SLC35F3: variants seen among roughly 807,000 people sequenced by gnomAD.
SLC35F3 encodes the protein solute carrier family 35 member F3.
Under a neutral mutation model 49.9 loss-of-function variants are expected in SLC35F3, and 25 were observed. That is an observed-to-expected ratio of 0.50 (90% CI 0.37 to 0.70). The LOEUF (loss-of-function observed/expected upper bound fraction) is 0.70. SLC35F3 is among the 30% of genes least tolerant of loss of function. SLC35F3 has a pLI of 0.00. For missense variants in SLC35F3, 525 were observed against 639.8 expected (o/e 0.82, Z 1.94); for synonymous variants, 275 against 265.4 (o/e 1.04, Z -0.35).
At chr1:234,282,514 A>G (rs889891894) in intron 3 of SLC35F3, among the ~76,000 whole-genome samples, 8 of 152,186 alleles carry the variant, frequency 5.3e-5, no homozygotes, top group African/African-American at 1.9e-4. Context: ...ACTTTTACTT[A>G]GCCTTGCTGG....
At chr1:234,206,793 G>A (rs573281879) in intron 2 of SLC35F3, among the ~76,000 whole-genome samples, 2 of 152,284 alleles carry the variant, frequency 1.3e-5, no homozygotes, top group East Asian at 3.9e-4. Flanking sequence ...TCAGAGATCA[G>A]GACTTCTGAA....
At chr1:234,010,011 A>G (rs1207631218) in intron 2 of SLC35F3, among the ~76,000 whole-genome samples, 3 of 152,234 alleles carry the variant, frequency 2.0e-5, no homozygotes, top group Non-Finnish European at 4.4e-5. Flanking sequence ...AATTAAAATT[A>G]GTAACATAAA....
At chr1:233,958,364 C>T (rs61822007) in intron 2 of SLC35F3, among the ~76,000 whole-genome samples, 4,651 of 152,294 alleles carry the variant, frequency 0.031, 112 homozygotes, top group Middle Eastern at 0.085. Flanking sequence ...CTTTCTCACT[C>T]TTTTTCCTTA....
At chr1:233,961,114 A>C (rs1662791911) in intron 2 of SLC35F3, among the ~76,000 whole-genome samples, 1 of 152,154 alleles carries the variant, frequency 6.6e-6, no homozygotes, top group African/African-American at 2.4e-5. Flanking sequence ...CTTCTTCAAA[A>C]AGCAACAAAA....
At chr1:234,059,627 CA>C (rs370077179) in intron 2 of SLC35F3, among the ~76,000 whole-genome samples, 2 of 30,744 alleles carry the variant, frequency 6.5e-5, no homozygotes, top group Non-Finnish European at 2.0e-4. Context: ...TAGACATAGA[CA>C]TAGACATAGA....
In SLC35F3 at chr1:234,286,215, G is replaced by A. The variant is rs552741713; in HGVS notation, c.609-22886G>A. ...TAACTTTCTCAAGATCTCACAGCTA[G>A]GAGGTGATAAGGGCAGAATTCAAAC... On this transcript the variant is annotated intron_variant, in intron 3 of 7. Coordinates refer to ENST00000366618, the MANE Select transcript of SLC35F3 (RefSeq NM_173508.4). 2.6e-5 allele frequency among the ~76,000 whole-genome samples: 4 copies of A among 152,312 alleles called. No homozygotes were observed. In the East Asian group the frequency reaches 7.7e-4, roughly 29 times the overall value.
chr1:234,145,882 A>G (rs1665988399), intron 2 of SLC35F3, among the ~76,000 whole-genome samples: 1 of 152,050 alleles, frequency 6.6e-6, no homozygotes, highest in Admixed American at 6.5e-5. Flanking sequence ...TTTATTATGT[A>G]TACTGTCCTT....
intron 2 of SLC35F3, among the ~76,000 whole-genome samples, chr1:234,164,357 CCTTCTTTCCCCTCTCTCCTCAA>C (rs1666280368): frequency 6.7e-6 from 1 of 148,640 alleles, no homozygotes. Flanking sequence ...CCCCCTCCCT[CCTTCTTTCCCCTCTCTCCTCAA>C]CTTCTTTCCC....
chr1:234,139,951 T>TAATAAAATAAAATA (rs1665868637), intron 2 of SLC35F3, among the ~76,000 whole-genome samples: 10 of 90,576 alleles, frequency 1.1e-4, no homozygotes, highest in Non-Finnish European at 1.6e-4. Flanking sequence ...CATCTCAAAA[T>TAATAAAATAAAATA]AATAAAATAA....
chr1:234,126,322 T>C (rs35085940), intron 2 of SLC35F3, among the ~76,000 whole-genome samples: 27,969 of 152,164 alleles, frequency 0.18, 3,286 homozygotes, highest in Non-Finnish European at 0.27. Flanking sequence ...ATTGAAATAG[T>C]TGTAAATTCA....
chr1:234,037,356 G>A (rs1563691), intron 2 of SLC35F3, among the ~76,000 whole-genome samples: 37,502 of 152,098 alleles, frequency 0.25, 9,498 homozygotes, highest in African/African-American at 0.64. Flanking sequence ...TCCCGAGAAT[G>A]GCACAAAGCT....
intron 2 of SLC35F3, among the ~76,000 whole-genome samples, chr1:234,043,151 C>A (rs1664246129): frequency 6.6e-6 from 1 of 152,162 alleles, no homozygotes; most frequent in Admixed American, 6.5e-5. Context: ...CTACCTCCAG[C>A]CCCATCACTT....
chr1:234,131,208 G>T (rs937485316), intron 2 of SLC35F3, among the ~76,000 whole-genome samples: 1 of 152,090 alleles, frequency 6.6e-6, no homozygotes, highest in African/African-American at 2.4e-5. Context: ...CTTAAAATTT[G>T]TCGTTTTCCT....
chr1:234,232,259 C>T (rs889733884), intron 3 of SLC35F3, among the ~76,000 whole-genome samples: 1 of 152,070 alleles, frequency 6.6e-6, no homozygotes, highest in African/African-American at 2.4e-5. Flanking sequence ...ATGGTCAAAA[C>T]CAAAGCAGTG....
chr1:234,180,978 A>C (rs1324184849), intron 2 of SLC35F3, among the ~76,000 whole-genome samples: 1 of 152,174 alleles, frequency 6.6e-6, no homozygotes, highest in Non-Finnish European at 1.5e-5. Flanking sequence ...TCTTCCCATC[A>C]GATTGATTTG....
chr1:234,272,270 A>G (rs2102975480), intron 3 of SLC35F3: 1 of 152,330 alleles, frequency 6.6e-6, no homozygotes, highest in Non-Finnish European at 1.5e-5. Context: ...GGAGTAATAG[A>G]AGGGCAGCAC....
chr1:234,188,466 G>A (rs1260019086), intron 2 of SLC35F3, among the ~76,000 whole-genome samples: 1 of 152,060 alleles, frequency 6.6e-6, no homozygotes, highest in Non-Finnish European at 1.5e-5. Flanking sequence ...ACACAGCACA[G>A]GCAGCCATAA....
intron 2 of SLC35F3, among the ~76,000 whole-genome samples, chr1:234,160,285 C>T (rs746326000): frequency 7.2e-5 from 11 of 152,166 alleles, no homozygotes; most frequent in Non-Finnish European, 1.5e-4. Flanking sequence ...TTCAGGCCAG[C>T]ATCAACCCAG....
chr1:234,312,931 C>T (rs927546955), intron 4 of SLC35F3, among the ~76,000 whole-genome samples: 4 of 152,066 alleles, frequency 2.6e-5, no homozygotes, highest in African/African-American at 4.8e-5. Flanking sequence ...GGCTGGATTA[C>T]AGTGGTGCTA....
Sources: allele counts gnomAD v4.1 joint callset (sites outside exome capture counted in the v4.1 genomes callset), GRCh38; gene constraint gnomAD v4.1.1; transcripts MANE v1.5; gene names NCBI Gene and HGNC (gene_info 2026-07-23, HGNC 2026-07-21).